The following B4GALT6 variants were observed in gnomAD, a reference collection of about 807,000 sequenced individuals.
B4GALT6 encodes the protein beta-1,4-galactosyltransferase 6.
A neutral mutation model predicts 46.3 loss-of-function variants in B4GALT6; 14 were observed. The observed-to-expected ratio is 0.30, with a 90% CI of 0.20 to 0.47. B4GALT6 has a LOEUF of 0.47. B4GALT6 is among the 20% of genes least tolerant of loss of function. B4GALT6 has a pLI of 0.99. For synonymous variants in B4GALT6, 168 were observed against 162.0 expected, an observed-to-expected ratio of 1.04 and a Z score of -0.28; for missense variants, 386 against 480.1, an observed-to-expected ratio of 0.80 and a Z score of 1.83.
At chr18:31,700,776 T>A in the B4GALT6 span, among the ~76,000 whole-genome samples, 1 of 152,078 alleles carries the variant, frequency 6.6e-6, no homozygotes, top group Non-Finnish European at 1.5e-5. Flanking sequence ...ATATTTTAGT[T>A]AGACTACAAG....
chr18:31,684,233 T>A, intron 1 of B4GALT6, 79 bp downstream of exon 1: 1 of 1,593,814 alleles, frequency 6.3e-7, no homozygotes, highest in Non-Finnish European at 8.6e-7. Context: ...AGCTTCCAAA[T>A]CCCAGAAGTA....
intron 2 of B4GALT6, among the ~76,000 whole-genome samples, chr18:31,664,103 G>A (rs947457444): frequency 2.6e-5 from 4 of 152,136 alleles, no homozygotes; most frequent in African/African-American, 9.7e-5. Flanking sequence ...CAGAAAAGAG[G>A]TACCTTATTT....
the B4GALT6 span, among the ~76,000 whole-genome samples, chr18:31,715,537 C>CTTTTTTTTTTTTTTT: frequency 6.0e-5 from 3 of 49,628 alleles, 1 homozygote; most frequent in East Asian, 1.7e-3. Context: ...CTGGAACTGT[C>CTTTTTTTTTTTTTTT]TTTTTTTTTT....
chr18:31,687,054 T>G (rs921565785), upstream of B4GALT6, among the ~76,000 whole-genome samples: 3 of 152,236 alleles, frequency 2.0e-5, no homozygotes, highest in Non-Finnish European at 4.4e-5. Flanking sequence ...CATAGATGAC[T>G]GCCATCGGTT....
At chr18:31,680,459 A>G (rs2074467365) in intron 1 of B4GALT6, among the ~76,000 whole-genome samples, 1 of 152,090 alleles carries the variant, frequency 6.6e-6, no homozygotes, top group South Asian at 2.1e-4. Context: ...AGCAGGGCAC[A>G]CACCCCAGGG....
the B4GALT6 span, among the ~76,000 whole-genome samples, chr18:31,707,011 C>T: frequency 6.6e-6 from 1 of 152,054 alleles, no homozygotes; most frequent in African/African-American, 2.4e-5. Context: ...GGTGTAAACG[C>T]CAGAAGGAAA....
chr18:31,703,283 T>C, the B4GALT6 span, among the ~76,000 whole-genome samples: 1 of 151,902 alleles, frequency 6.6e-6, no homozygotes, highest in African/African-American at 2.4e-5. Flanking sequence ...TGAGGAGAGA[T>C]ACAAGGGCTC....
Position 31,622,926 on chromosome 18 carries a change from G to A in B4GALT6, c.*2688C>T, listed in dbSNP as rs551738913. 3.3e-5 allele frequency: 5 copies of A among 152,046 alleles called. No homozygotes were observed. The highest frequency in any genetic ancestry group is 6.5e-5 in the Admixed American group (1 of 15,272). 9.4% of individuals were successfully genotyped at this position (152,046 alleles called of 1,614,324 possible). ...GCACCATGTAATTTTCCCAGTTAGT[G>A]CCATAGGGACCTCCTATTAGCCCTA... On this transcript the variant is annotated 3_prime_UTR_variant, in exon 9 of 9. Coordinates refer to ENST00000306851, the MANE Select transcript of B4GALT6 (RefSeq NM_004775.5).
Position 31,624,140 on chromosome 18 carries a change from A to C in B4GALT6, c.*1474T>G, listed in dbSNP as rs1414953991. The stretch of plus-strand genomic sequence containing the variant: ...ATCAGGTAGTAAGACCTTTTTTCAG[A>C]GAACAGTCATATGAAGATAACTGGA... On this transcript the variant is annotated 3_prime_UTR_variant, in exon 9 of 9. Transcript: ENST00000306851. The C allele has an allele frequency of 6.6e-6, 1 of 152,022 alleles. No individual in the cohort carries two copies. Among genetic ancestry groups the C allele is most frequent in the Non-Finnish European group, 1.5e-5 (1 of 67,862 alleles). 9.4% of individuals were successfully genotyped at this position (152,022 alleles called of 1,614,324 possible).
chr18:31,627,734 C>T (rs184698068), intron 6 of B4GALT6, among the ~76,000 whole-genome samples: 108 of 152,266 alleles, frequency 7.1e-4, no homozygotes, highest in African/African-American at 2.2e-3. Context: ...TTTCCTTACC[C>T]TTTCCTAACT....
rs971967674 is a variant in B4GALT6 at position 31,623,944 on chromosome 18, T to A, written c.*1670A>T. ...ACGTTTCTCATATATAGATTTCTATTGCTCATCATTGTTGTTGAACATTCA... is the reference window on the plus strand; with the variant it reads ...ACGTTTCTCATATATAGATTTCTATAGCTCATCATTGTTGTTGAACATTCA... On this transcript the variant is annotated 3_prime_UTR_variant, in exon 9 of 9. Transcript: ENST00000306851. 2.2e-4 allele frequency: 34 copies of A among 152,198 alleles called. No individual in the cohort carries two copies. Among genetic ancestry groups the A allele is most frequent in the African/African-American group, 7.9e-4 (33 of 41,588 alleles). 9.4% of individuals were successfully genotyped at this position (152,198 alleles called of 1,614,324 possible). A position where few individuals can be genotyped will look rare whatever the true frequency, so the allele number is the denominator to read the frequency against.
At chr18:31,697,006 C>T in the B4GALT6 span, among the ~76,000 whole-genome samples, 1 of 152,128 alleles carries the variant, frequency 6.6e-6, no homozygotes, top group Non-Finnish European at 1.5e-5. Context: ...GTGGCTCACA[C>T]CTGTAATCCC....
chr18:31,673,714 T>C (rs1381500739), intron 1 of B4GALT6, among the ~76,000 whole-genome samples: 1 of 152,170 alleles, frequency 6.6e-6, no homozygotes, highest in Admixed American at 6.5e-5. Flanking sequence ...TACAACCACC[T>C]GGAGTTGGCT....
At chr18:31,655,056 T>A (rs951271610) in intron 3 of B4GALT6, among the ~76,000 whole-genome samples, 1 of 152,210 alleles carries the variant, frequency 6.6e-6, no homozygotes, top group Non-Finnish European at 1.5e-5. Context: ...TTAAGCACTG[T>A]GTGCTTCATT....
chr18:31,652,678 A>G (rs2074086705), intron 3 of B4GALT6, among the ~76,000 whole-genome samples: 1 of 152,122 alleles, frequency 6.6e-6, no homozygotes, highest in Non-Finnish European at 1.5e-5. Context: ...TCTGTATCAC[A>G]CTTCAGTTCA....
At chr18:31,695,152 C>T in the B4GALT6 span, among the ~76,000 whole-genome samples, 13 of 151,790 alleles carry the variant, frequency 8.6e-5, no homozygotes, top group Non-Finnish European at 1.8e-4. Context: ...TTTCCCACTG[C>T]CACAGAGAAA....
At chr18:31,632,306 A>C (rs2073801171) in intron 5 of B4GALT6, among the ~76,000 whole-genome samples, 1 of 152,090 alleles carries the variant, frequency 6.6e-6, no homozygotes, top group South Asian at 2.1e-4. Flanking sequence ...AAATAAAAAG[A>C]AAAGGGAGTT....
At chr18:31,653,435 CTTTTTTTTT>C (rs5823819) in intron 3 of B4GALT6, among the ~76,000 whole-genome samples, 6 of 74,164 alleles carry the variant, frequency 8.1e-5, no homozygotes, top group African/African-American at 2.2e-4. Context: ...AACCTTTTTT[CTTTTTTTTT>C]TTTTTTTTTT....
At chr18:31,630,418 T>TG (rs11385570) in intron 6 of B4GALT6, among the ~76,000 whole-genome samples, 2 of 56,302 alleles carry the variant, frequency 3.6e-5, no homozygotes, top group South Asian at 4.5e-4. Context: ...AAGATTTGGG[T>TG]TTTTTTTTTT....
Sources: allele counts gnomAD v4.1 joint callset (sites outside exome capture counted in the v4.1 genomes callset), GRCh38; gene constraint gnomAD v4.1.1; transcripts MANE v1.5; gene names NCBI Gene and HGNC (gene_info 2026-07-23, HGNC 2026-07-21).